Variants in EXT1 observed in about 807,000 individuals in gnomAD.
EXT1 encodes the protein exostosin glycosyltransferase 1, also known as exostosin-1.
A neutral mutation model predicts 82.5 loss-of-function variants in EXT1; 20 were observed. The ratio of observed to expected loss-of-function variants is 0.24; its 90% confidence interval spans 0.17 to 0.35. EXT1 has a LOEUF of 0.35. EXT1 is among the 10% of genes least tolerant of loss of function. EXT1 has a pLI of 1.00. For synonymous variants in EXT1, 348 were observed against 350.8 expected (o/e 0.99, Z 0.09); for missense variants, 757 against 936.5 (o/e 0.81, Z 2.50).
In EXT1 at chr8:117,942,860, A is replaced by G. The variant is rs1361700497; in HGVS notation, c.963-105659T>C. On this transcript the variant is annotated intron_variant, in intron 1 of 10. Transcript: ENST00000378204. ...TAATTCTACAAGTTGAATAAATTGG[A>G]TGGCCCAGGGTCTACTCCCAGCCCT... 4.6e-5 allele frequency among the ~76,000 whole-genome samples: 7 copies of G among 152,226 alleles called. No individual in the cohort carries two copies. The Middle Eastern group carries it at 9.5e-3, about 206-fold the overall frequency.
chr8:117,888,202 G>A (rs1284557775), intron 1 of EXT1, among the ~76,000 whole-genome samples: 1 of 150,942 alleles, frequency 6.6e-6, no homozygotes, highest in Non-Finnish European at 1.5e-5. Context: ...GCAGAACCCA[G>A]ACAAACATGC....
intron 1 of EXT1, among the ~76,000 whole-genome samples, chr8:117,901,961 G>A (rs547944366): frequency 2.4e-4 from 36 of 151,826 alleles, no homozygotes; most frequent in Non-Finnish European, 4.0e-4. Context: ...GCCTCTCAAA[G>A]TGCTGGGATT....
At chr8:117,812,469 A>G (rs891274703) in intron 8 of EXT1, among the ~76,000 whole-genome samples, 1 of 152,172 alleles carries the variant, frequency 6.6e-6, no homozygotes, top group Non-Finnish European at 1.5e-5. Context: ...AACTGAGGCA[A>G]TAGGATACGT....
At chr8:118,086,718 T>C (rs1586265331) in intron 1 of EXT1, among the ~76,000 whole-genome samples, 1 of 152,204 alleles carries the variant, frequency 6.6e-6, no homozygotes. Flanking sequence ...ATAATTTCAA[T>C]GCAAAAAGAT....
At chr8:117,815,222 A>C (rs1255521615) in intron 7 of EXT1, among the ~76,000 whole-genome samples, 1 of 152,216 alleles carries the variant, frequency 6.6e-6, no homozygotes, top group Admixed American at 6.5e-5. Flanking sequence ...TTAAGCCCAC[A>C]GGGGAAAACT....
At chr8:118,044,570 G>A (rs1816590277) in intron 1 of EXT1, among the ~76,000 whole-genome samples, 1 of 152,056 alleles carries the variant, frequency 6.6e-6, no homozygotes, top group South Asian at 2.1e-4. Flanking sequence ...ATCATGCCTG[G>A]CTAATTTTGT....
chr8:117,910,400 A>G (rs899697337), intron 1 of EXT1, among the ~76,000 whole-genome samples: 1 of 152,152 alleles, frequency 6.6e-6, no homozygotes, highest in Non-Finnish European at 1.5e-5. Context: ...CCACTCCAGG[A>G]AAGATGGTCC....
chr8:117,927,822 G>T (rs1194863167), intron 1 of EXT1, among the ~76,000 whole-genome samples: 1 of 152,154 alleles, frequency 6.6e-6, no homozygotes, highest in East Asian at 1.9e-4. Flanking sequence ...TTGAAATCCT[G>T]AACAATTTTT....
intron 1 of EXT1, among the ~76,000 whole-genome samples, chr8:117,979,857 A>G (rs1815148289): frequency 6.6e-6 from 1 of 152,246 alleles, no homozygotes; most frequent in Non-Finnish European, 1.5e-5. Flanking sequence ...GAGAAAAGCT[A>G]GAAAATAAAT....
At chr8:117,944,445 A>G (rs936457190) in intron 1 of EXT1, among the ~76,000 whole-genome samples, 2 of 152,166 alleles carry the variant, frequency 1.3e-5, no homozygotes, top group Non-Finnish European at 2.9e-5. Context: ...GGCAGCATAT[A>G]TTGTCTCAGT....
At chr8:117,844,158 T>TTATTATTATTATTATTATTATTAC (rs1033036176) in intron 1 of EXT1, among the ~76,000 whole-genome samples, 1 of 149,260 alleles carries the variant, frequency 6.7e-6, no homozygotes, top group African/African-American at 2.5e-5. Context: ...ATTATTATTA[T>TTATTATTATTATTATTATTATTAC]TATTATTATT....
chr8:117,878,212 T>A (rs2129912500), intron 1 of EXT1, among the ~76,000 whole-genome samples: 1 of 152,308 alleles, frequency 6.6e-6, no homozygotes, highest in Non-Finnish European at 1.5e-5. Context: ...AGGTGGAGGT[T>A]ATAGTGAATA....
At chr8:117,896,230 A>G (rs953695394) in intron 1 of EXT1, among the ~76,000 whole-genome samples, 1 of 152,002 alleles carries the variant, frequency 6.6e-6, no homozygotes, top group South Asian at 2.1e-4. Flanking sequence ...AAGAGTTTCT[A>G]TTTAAAGACA....
chr8:117,995,932 G>A (rs778603168), intron 1 of EXT1, among the ~76,000 whole-genome samples: 40 of 152,100 alleles, frequency 2.6e-4, no homozygotes, highest in Non-Finnish European at 4.7e-4. Flanking sequence ...ATAAATGAAC[G>A]AATGGACTGG....
intron 1 of EXT1, among the ~76,000 whole-genome samples, chr8:118,073,605 G>C (rs898663207): frequency 4.1e-5 from 6 of 145,256 alleles, no homozygotes; most frequent in Non-Finnish European, 9.0e-5. Context: ...GGGCTACAGA[G>C]AGAGGAAAGG....
In EXT1 at chr8:117,819,521, G is replaced by C. The variant is rs17503250; in HGVS notation, c.1536+155C>G. On this transcript the variant is annotated intron_variant, in intron 6 of 10. Transcript: ENST00000378204. ...GAATTTCTAAGTGGATGAAAAGGGT[G>C]TAACGAGGCAGGATGAATGAAAGGG... is the stretch of plus-strand genomic sequence containing the variant. Among the ~76,000 whole-genome samples the C allele has an allele frequency of 2.4e-3, 368 of 152,300 alleles. 3 individuals are homozygous for C. Among genetic ancestry groups the C allele is most frequent in the African/African-American group, 8.4e-3 (348 of 41,568 alleles).
At chr8:118,057,745 GGGA>G (rs1428451103) in intron 1 of EXT1, among the ~76,000 whole-genome samples, 2 of 150,710 alleles carry the variant, frequency 1.3e-5, no homozygotes, top group Non-Finnish European at 3.0e-5. Context: ...AGGCCGAGGC[GGGA>G]GGATCACCTG....
At position 117,795,055 on chromosome 8, in the gene EXT1, A is replaced by G. The variant is rs1823071280; in HGVS notation, c.*4657T>C. On this transcript the variant is annotated 3_prime_UTR_variant, in exon 11 of 11. Coordinates refer to ENST00000378204, the MANE Select transcript of EXT1 (RefSeq NM_000127.3). ...GAGAAGAACAGAAAACTATTGCAGA[A>G]ATCAAATGGCCTGAGGCCTAAAAGG... 6.6e-6 allele frequency: 1 copy of G among 152,222 alleles called. No individual in the cohort carries two copies. The highest frequency in any genetic ancestry group is 2.1e-4 in the South Asian group (1 of 4,832). 9.4% of individuals were successfully genotyped at this position (152,222 alleles called of 1,614,324 possible). A position where few individuals can be genotyped will look rare whatever the true frequency, so the allele number is the denominator to read the frequency against.
At chr8:117,894,803 T>TA (rs1375391446) in intron 1 of EXT1, among the ~76,000 whole-genome samples, 4 of 152,202 alleles carry the variant, frequency 2.6e-5, no homozygotes, top group Admixed American at 2.6e-4. Context: ...TTAAATGTGT[T>TA]ATAGGCAACA....
Sources: allele counts gnomAD v4.1 joint callset (sites outside exome capture counted in the v4.1 genomes callset), GRCh38; gene constraint gnomAD v4.1.1; transcripts MANE v1.5; gene names NCBI Gene and HGNC (gene_info 2026-07-23, HGNC 2026-07-21).